PCCA: variants seen among roughly 807,000 people sequenced by gnomAD.
The protein encoded by PCCA is propionyl-CoA carboxylase alpha chain, mitochondrial.
A neutral mutation model predicts 101.3 loss-of-function variants in PCCA; 74 were observed. That is an observed-to-expected ratio of 0.73 (90% confidence interval 0.61 to 0.89). The LOEUF (loss-of-function observed/expected upper bound fraction) is 0.89, where lower values mean the gene tolerates loss of function less well. Among genes scored for constraint, PCCA ranks in the 40% least tolerant of loss-of-function variants. The probability of loss-of-function intolerance (pLI) is 0.00; values close to 1 mark genes in which losing one functional copy is unlikely to be tolerated. For synonymous variants in PCCA, 294 were observed against 313.6 expected (o/e 0.94, Z 0.66); for missense variants, 891 against 907.0 (o/e 0.98, Z 0.23).
intron 7 of PCCA, among the ~76,000 whole-genome samples, chr13:100,234,703 C>G (rs2060680670): frequency 6.6e-6 from 1 of 151,296 alleles, no homozygotes; most frequent in African/African-American, 2.4e-5. Context: ...CCCCCCCGCC[C>G]CCTTCTCGGA....
chr13:100,092,799 T>C (rs149667219), intron 1 of PCCA, among the ~76,000 whole-genome samples: 1 of 152,354 alleles, frequency 6.6e-6, no homozygotes, highest in East Asian at 1.9e-4. Context: ...TAGGCTTATA[T>C]GAATGCTTTA....
intron 6 of PCCA, among the ~76,000 whole-genome samples, chr13:100,192,858 C>T (rs536833467): frequency 6.6e-6 from 1 of 152,292 alleles, no homozygotes; most frequent in Admixed American, 6.5e-5. Flanking sequence ...GGACTCTGTT[C>T]ACCGTGTCTG....
Position 100,495,368 on chromosome 13 carries a change from T to C in PCCA, c.1900-20059T>C, listed in dbSNP as rs931519663. 4.6e-5 allele frequency among the ~76,000 whole-genome samples: 7 copies of C among 152,320 alleles called. No individual in the cohort carries two copies. The East Asian group carries it at 1.4e-3, about 29-fold the overall frequency. On this transcript the variant is annotated intron_variant, in intron 21 of 23. Coordinates refer to ENST00000376285, the MANE Select transcript of PCCA (RefSeq NM_000282.4). The stretch of plus-strand genomic sequence containing the variant: ...CATGGAAAATGCCACCTCTCTGAAA[T>C]GGCCAGCACTGGAGAGACGCTACTG...
rs1373903905 is a variant in PCCA at position 100,089,174 on chromosome 13, G to A, written c.54G>A (p.Gly18=). The change falls in exon 1 of 24, where the codon GGG becomes GGA. Residue 18 remains glycine (G), a synonymous_variant. Coordinates refer to ENST00000376285, the MANE Select transcript of PCCA (RefSeq NM_000282.4). ...CGCTGGTCGCTGCCGGACGGCGTGG[G>A]CGGTGGCCGCCGCAGCAGCTGATGC... ...TAPLVAAGRR[G]RWPPQQLMLS... 15 of 1,530,278 alleles carry A rather than the reference G, an allele frequency of 9.8e-6. No individual in the cohort carries two copies. The highest frequency in any genetic ancestry group is 1.3e-5 in the Non-Finnish European group (15 of 1,140,910). 94.8% of individuals were successfully genotyped at this position (1,530,278 alleles called of 1,614,324 possible). A position where few individuals can be genotyped will look rare whatever the true frequency, so the allele number is the denominator to read the frequency against.
intron 21 of PCCA, chr13:100,490,135 G>A (rs1225370198): frequency 2.0e-5 from 3 of 152,132 alleles, no homozygotes; most frequent in Non-Finnish European, 4.4e-5. Context: ...ACAGTTTATG[G>A]TGAATCATTG....
chr13:100,136,517 A>G lies in PCCA; in HGVS notation c.301-18462A>G, dbSNP rs563893571. Among the ~76,000 whole-genome samples, 3 of 152,236 alleles carry G rather than the reference A, an allele frequency of 2.0e-5. No homozygotes were observed. In the South Asian group the frequency reaches 6.2e-4, roughly 32 times the overall value. On this transcript the variant is annotated intron_variant, in intron 4 of 23. Transcript: ENST00000376285. ...TTGTTCAGAATTCTCCAGTGAAACC[A>G]TCTGGGCCTGGAGATTTCTTCTTCA... is the stretch of plus-strand genomic sequence containing the variant.
intron 4 of PCCA, among the ~76,000 whole-genome samples, chr13:100,141,147 T>G (rs2051821209): frequency 6.6e-6 from 1 of 152,180 alleles, no homozygotes; most frequent in Admixed American, 6.5e-5. Flanking sequence ...CACTTTACCG[T>G]GACATTCAAG....
chr13:100,217,702 A>T (rs2059595237), intron 7 of PCCA, among the ~76,000 whole-genome samples: 1 of 151,466 alleles, frequency 6.6e-6, no homozygotes, highest in African/African-American at 2.4e-5. Context: ...AAAATACAAA[A>T]AAATTAGTTG....
chr13:100,469,142 C>T (rs1344151678), intron 21 of PCCA, among the ~76,000 whole-genome samples: 4 of 138,744 alleles, frequency 2.9e-5, no homozygotes, highest in Admixed American at 8.4e-5. Context: ...ACCCAGGAGA[C>T]GGAGGTTGTG....
rs558021965 is a variant in PCCA at position 100,220,320 on chromosome 13, C to A, written c.600+10857C>A. Among the ~76,000 whole-genome samples the A allele has an allele frequency of 1.0e-3, 152 of 152,030 alleles. 2 individuals carry two copies. The highest frequency in any genetic ancestry group is 9.8e-3 in the Admixed American group (149 of 15,264). ...TGTCACCCAGGCTGGAGTGCAGTGG[C>A]GCAATCTTGGCTAACTGCAACCTCC... On this transcript the variant is annotated intron_variant, in intron 7 of 23. Transcript: ENST00000376285.
intron 4 of PCCA, among the ~76,000 whole-genome samples, chr13:100,135,388 T>C (rs1265690266): frequency 1.3e-5 from 2 of 152,072 alleles, no homozygotes; most frequent in Non-Finnish European, 2.9e-5. Flanking sequence ...TGAGACTCTG[T>C]CTCTTTAAAA....
At chr13:100,419,775 G>T (rs2078625757) in intron 19 of PCCA, among the ~76,000 whole-genome samples, 1 of 152,224 alleles carries the variant, frequency 6.6e-6, no homozygotes, top group African/African-American at 2.4e-5. Flanking sequence ...AAAGAGCATG[G>T]CTGGTTAGGC....
rs190031821 is a variant in PCCA at position 100,294,705 on chromosome 13, C to A, written c.1066-6755C>A. On this transcript the variant is annotated intron_variant, in intron 12 of 23. Transcript: ENST00000376285. The stretch of plus-strand genomic sequence containing the variant: ...AAAACTAAATTTTTAGTTTTTAGTG[C>A]TGTTGGACTATTTAGGAATAGCCAG... Among the ~76,000 whole-genome samples the A allele has an allele frequency of 4.6e-4, 70 of 152,244 alleles. No individual in the cohort carries two copies. In the Middle Eastern group the frequency reaches 0.01, roughly 22 times the overall value.
Position 100,270,697 on chromosome 13 carries a change from G to A in PCCA, c.914+1914G>A, listed in dbSNP as rs2063253643. 2.6e-5 allele frequency among the ~76,000 whole-genome samples: 4 copies of A among 152,296 alleles called. No homozygotes were observed. The South Asian group carries it at 6.2e-4, about 24-fold the overall frequency. ...TGTGAAATGTTAAAATAAATGGAAT[G>A]TGTAGTTTTCAGTTCCTGGAGTAAG... On this transcript the variant is annotated intron_variant, in intron 11 of 23. Coordinates refer to ENST00000376285, the MANE Select transcript of PCCA (RefSeq NM_000282.4).
chr13:100,193,700 C>G (rs1370846407), intron 6 of PCCA, among the ~76,000 whole-genome samples: 1 of 152,154 alleles, frequency 6.6e-6, no homozygotes, highest in Non-Finnish European at 1.5e-5. Flanking sequence ...CATCATTGCT[C>G]TTAATCAGAA....
At chr13:100,191,511 C>T (rs1468709671) in intron 6 of PCCA, among the ~76,000 whole-genome samples, 1 of 152,202 alleles carries the variant, frequency 6.6e-6, no homozygotes, top group African/African-American at 2.4e-5. Flanking sequence ...AGGCACACAG[C>T]AGCCAAGGAA....
At chr13:100,402,786 G>A (rs932248887) in intron 19 of PCCA, among the ~76,000 whole-genome samples, 1 of 152,140 alleles carries the variant, frequency 6.6e-6, no homozygotes, top group Non-Finnish European at 1.5e-5. Flanking sequence ...TGAACAAAAT[G>A]AATAGAATAG....
intron 18 of PCCA, among the ~76,000 whole-genome samples, chr13:100,341,737 C>G (rs529519559): frequency 5.3e-5 from 8 of 151,884 alleles, no homozygotes; most frequent in African/African-American, 1.9e-4. Flanking sequence ...ATTCCTTTAC[C>G]TTCAGATGTT....
Position 100,518,391 on chromosome 13 carries a change from G to A in PCCA, c.2040+2824G>A, listed in dbSNP as rs895104584. Among the ~76,000 whole-genome samples, 7 of 152,170 alleles carry A rather than the reference G, an allele frequency of 4.6e-5. No homozygotes were observed. The East Asian group carries it at 5.8e-4, about 13-fold the overall frequency. The stretch of plus-strand genomic sequence containing the variant: ...GTGGCCGTTGAGAAGTAGTGAATCC[G>A]CTCGGGGCGCTTGGTGTGGCAGGGC... On this transcript the variant is annotated intron_variant, in intron 22 of 23. Transcript: ENST00000376285.
Sources: allele counts gnomAD v4.1 joint callset (sites outside exome capture counted in the v4.1 genomes callset), GRCh38; gene constraint gnomAD v4.1.1; transcripts MANE v1.5; gene names NCBI Gene and HGNC (gene_info 2026-07-23, HGNC 2026-07-21).